The following MYO1E variants were observed in gnomAD, a reference collection of about 807,000 sequenced individuals.
MYO1E encodes the protein myosin IE.
Under a neutral mutation model 151.1 loss-of-function variants are expected in MYO1E, and 68 were observed. The observed-to-expected ratio is 0.45, with a 90% CI of 0.37 to 0.55. The LOEUF (loss-of-function observed/expected upper bound fraction) is 0.55, where lower values mean the gene tolerates loss of function less well. Among genes scored for constraint, MYO1E ranks in the 20% least tolerant of loss-of-function variants. MYO1E has a pLI of 0.00. For synonymous variants in MYO1E, 601 were observed against 501.7 expected (o/e 1.20, Z -2.64); for missense variants, 1,363 against 1,389.3 (o/e 0.98, Z 0.30).
At chr15:59,351,614 G>A (rs908575977) in intron 1 of MYO1E, among the ~76,000 whole-genome samples, 3 of 152,136 alleles carry the variant, frequency 2.0e-5, no homozygotes, top group Admixed American at 1.3e-4. Context: ...GTGAATTACC[G>A]GGGGATAAGA....
chr15:59,193,818 C>T (rs1389192899), intron 17 of MYO1E, among the ~76,000 whole-genome samples: 3 of 152,152 alleles, frequency 2.0e-5, no homozygotes, highest in East Asian at 1.9e-4. Flanking sequence ...ATATCATTAA[C>T]GGACAATATT....
chr15:59,162,935 A>C (rs1368416904), intron 23 of MYO1E, among the ~76,000 whole-genome samples: 2 of 152,322 alleles, frequency 1.3e-5, no homozygotes, highest in Non-Finnish European at 1.5e-5. Context: ...AAAATACACT[A>C]GTCTATGAAG....
chr15:59,257,160 C>T (rs2080198371), intron 3 of MYO1E, among the ~76,000 whole-genome samples: 1 of 152,200 alleles, frequency 6.6e-6, no homozygotes, highest in African/African-American at 2.4e-5. Context: ...TTTACCACAA[C>T]CTCAAAAATT....
chr15:59,250,688 C>A (rs1276209592), intron 4 of MYO1E, among the ~76,000 whole-genome samples: 1 of 152,162 alleles, frequency 6.6e-6, no homozygotes, highest in Non-Finnish European at 1.5e-5. Context: ...CCTGAACATG[C>A]AGCTGATGTC....
rs1210819513 is a variant in MYO1E, at chr15:59,296,975, G to A, written c.4-24526C>T. On this transcript the variant is annotated intron_variant, in intron 1 of 27. Transcript: ENST00000288235. ...CTGCCTCAGCCTCCCGAGTAGGTGG[G>A]ACTACAGGCGCCCGCTACCACGCCC... is the stretch of plus-strand genomic sequence containing the variant. 6.3e-5 allele frequency among the ~76,000 whole-genome samples: 8 copies of A among 127,490 alleles called. 2 individuals are homozygous for A. The highest frequency in any genetic ancestry group is 1.7e-4 in the Admixed American group (2 of 11,450). The allele number at this position is 127,490 out of a possible 152,430, so 83.6% of individuals were successfully genotyped here.
At chr15:59,303,550 A>G (rs565311401) in intron 1 of MYO1E, among the ~76,000 whole-genome samples, 89 of 152,310 alleles carry the variant, frequency 5.8e-4, no homozygotes, top group Middle Eastern at 3.4e-3. Context: ...AGAAATAAAT[A>G]AAAAGGAAGA....
At chr15:59,277,563 A>AACAAAAAAAAAC in intron 1 of MYO1E, among the ~76,000 whole-genome samples, 1 of 130,034 alleles carries the variant, frequency 7.7e-6, no homozygotes, top group East Asian at 2.2e-4. Flanking sequence ...AAAAAAAAAA[A>AACAAAAAAAAAC]AAAAAAAAAA....
intron 14 of MYO1E, chr15:59,206,859 T>A (rs1347612591): frequency 1.4e-6 from 2 of 1,429,148 alleles, no homozygotes; most frequent in Admixed American, 2.2e-5. Flanking sequence ...CTGAAGGTCC[T>A]GCCAACGGCT....
chr15:59,260,928 A>G (rs2080220918), intron 3 of MYO1E, among the ~76,000 whole-genome samples: 1 of 152,204 alleles, frequency 6.6e-6, no homozygotes, highest in East Asian at 1.9e-4. Context: ...GCTCTGCTCT[A>G]AAAAGCAGAT....
chr15:59,207,057 C>T (rs751468665), intron 14 of MYO1E: 10 of 1,614,088 alleles, frequency 6.2e-6, no homozygotes, highest in African/African-American at 1.3e-5. Flanking sequence ...TCCCGCTCAA[C>T]GGCACCTGGC....
At chr15:59,250,407 G>A (rs1264625959) in intron 4 of MYO1E, among the ~76,000 whole-genome samples, 2 of 152,146 alleles carry the variant, frequency 1.3e-5, no homozygotes, top group African/African-American at 4.8e-5. Flanking sequence ...AATACTGTGA[G>A]TATTGTCACA....
intron 19 of MYO1E, among the ~76,000 whole-genome samples, chr15:59,175,791 A>G (rs540856791): frequency 6.6e-6 from 1 of 152,324 alleles, no homozygotes; most frequent in East Asian, 1.9e-4. Context: ...GAAAGGATGA[A>G]CAGGCAAACG....
At chr15:59,268,718 G>GTTTTCTTTT (rs1452818863) in intron 2 of MYO1E, among the ~76,000 whole-genome samples, 1 of 12,044 alleles carries the variant, frequency 8.3e-5, no homozygotes, top group Non-Finnish European at 4.1e-4. Flanking sequence ...GGTGACTTTG[G>GTTTTCTTTT]TATTTTTTTT....
At chr15:59,178,648 T>C (rs1018246283) in intron 18 of MYO1E, 111 bp from the exon 19 acceptor site, 1 of 1,379,144 alleles carries the variant, frequency 7.3e-7, no homozygotes, top group Non-Finnish European at 9.9e-7. Context: ...GCTGCAAAGT[T>C]ACTGATCATC....
Position 59,159,248 on chromosome 15 carries a change from C to T in MYO1E, c.2786-869G>A, listed in dbSNP as rs1313988298. On this transcript the variant is annotated intron_variant, in intron 24 of 27. Transcript: ENST00000288235. This position sits in a 1 kb window ranked among gnomAD's most constrained non-coding sequence, Gnocchi z 4.4. ...CCAGTGTGGCCTGCTGGACGCTTCC[C>T]TCCCAGTACCTAGGCCACTCTCGCC... Among the ~76,000 whole-genome samples the T allele has an allele frequency of 2.0e-5, 3 of 152,240 alleles. No individual in the cohort carries two copies. Among genetic ancestry groups the T allele is most frequent in the Non-Finnish European group, 4.4e-5 (3 of 68,030 alleles).
At chr15:59,151,590 G>A (rs780555745) in intron 26 of MYO1E, among the ~76,000 whole-genome samples, 9 of 152,154 alleles carry the variant, frequency 5.9e-5, no homozygotes, top group Non-Finnish European at 1.2e-4. Flanking sequence ...AAGCTGCCAA[G>A]GCAGGAAAAA....
At chr15:59,335,312 T>G (rs1003185516) in intron 1 of MYO1E, among the ~76,000 whole-genome samples, 1 of 152,072 alleles carries the variant, frequency 6.6e-6, no homozygotes, top group East Asian at 1.9e-4. Context: ...CATCAAAGAG[T>G]GTGAAAACGA....
intron 10 of MYO1E, 32 bp downstream of exon 10, chr15:59,217,859 A>G (rs368275853): frequency 1.2e-6 from 2 of 1,609,100 alleles, no homozygotes; most frequent in Non-Finnish European, 1.7e-6. Context: ...CTAAGATATG[A>G]AGCATCACCA....
intron 24 of MYO1E, among the ~76,000 whole-genome samples, chr15:59,160,561 C>T (rs1334733205): frequency 6.6e-6 from 1 of 151,920 alleles, no homozygotes; most frequent in African/African-American, 2.4e-5. Flanking sequence ...AGGCATGCAC[C>T]ACCATGCCTG....
Sources: gnomAD v4.1 joint callset for allele counts (sites outside exome capture counted in the v4.1 genomes callset) on GRCh38, gnomAD v4.1.1 for gene constraint, Gnocchi (gnomAD v3.1) non-coding constraint, MANE v1.5 for transcripts, NCBI Gene and HGNC (gene_info 2026-07-23, HGNC 2026-07-21) for gene names.